TAMM41: variants seen among roughly 807,000 people sequenced by gnomAD.
The protein encoded by TAMM41 is phosphatidate cytidylyltransferase, mitochondrial.
TAMM41 carries 36 observed loss-of-function variants against 44.1 expected under a neutral mutation model. The observed-to-expected ratio is 0.82, with a 90% CI of 0.63 to 1.08. The LOEUF is 1.08. Among genes scored for constraint, TAMM41 ranks in the 50% least tolerant of loss-of-function variants. The pLI is 0.00. For missense variants in TAMM41, 417 were observed against 404.3 expected, an observed-to-expected ratio of 1.03 and a Z score of -0.27; for synonymous variants, 164 against 153.1, an observed-to-expected ratio of 1.07 and a Z score of -0.53.
At position 11,821,834 on chromosome 3, in the gene TAMM41, T is replaced by C. The variant is rs147290088; in HGVS notation, c.563-4497A>G. ...CTGTGCTAGGCAATGGAGATCCAGG[T>C]TGGGCAACCCTAATCTGAACACCGA... On this transcript the variant is annotated intron_variant, in intron 4 of 7. Coordinates refer to ENST00000455809, the MANE Select transcript of TAMM41 (RefSeq NM_001284401.2). 7.0e-4 allele frequency among the ~76,000 whole-genome samples: 106 copies of C among 152,212 alleles called. 1 individual carries two copies. Among genetic ancestry groups the C allele is most frequent in the African/African-American group, 2.4e-3 (99 of 41,520 alleles).
At chr3:11,802,359 A>C (rs2077779162) in intron 7 of TAMM41, among the ~76,000 whole-genome samples, 1 of 152,248 alleles carries the variant, frequency 6.6e-6, no homozygotes, top group Admixed American at 6.5e-5. Context: ...ATCAGAAATG[A>C]AAAAGGAGAC....
At chr3:11,744,260 AT>A in the TAMM41 span, among the ~76,000 whole-genome samples, 1 of 151,584 alleles carries the variant, frequency 6.6e-6, no homozygotes, top group Non-Finnish European at 1.5e-5. Context: ...TAGAGATGGG[AT>A]TTCCCCATGT....
At chr3:11,823,932 T>C (rs951180800) in intron 4 of TAMM41, among the ~76,000 whole-genome samples, 1 of 150,782 alleles carries the variant, frequency 6.6e-6, no homozygotes, top group Non-Finnish European at 1.5e-5. Flanking sequence ...GTCAAGCTAG[T>C]CTCCTGCCTC....
chr3:11,759,811 TAA>T, the TAMM41 span, among the ~76,000 whole-genome samples: 1 of 152,088 alleles, frequency 6.6e-6, no homozygotes, highest in Admixed American at 6.6e-5. Context: ...CCATCTCTAC[TAA>T]AAATATGAAA....
At position 11,846,646 on chromosome 3, in the gene TAMM41, G is replaced by A. The variant is rs1281946617; in HGVS notation, c.-10C>T. 1.9e-6 allele frequency: 3 copies of A among 1,614,044 alleles called. No homozygotes were observed. The highest frequency in any genetic ancestry group is 2.5e-6 in the Non-Finnish European group (3 of 1,180,022). ...GCGTCTGCAGCGCCATGGGGTCGAG[G>A]CTAACAGGGGACACTCAGCGCAGCA... On this transcript the variant is annotated 5_prime_UTR_variant, in exon 1 of 8. Transcript: ENST00000455809.
intron 7 of TAMM41, among the ~76,000 whole-genome samples, chr3:11,804,950 G>A (rs536028213): frequency 1.3e-4 from 19 of 146,716 alleles, no homozygotes; most frequent in Non-Finnish European, 1.0e-4. Context: ...ATGCCGCCTC[G>A]ACTTCCTGGG....
the TAMM41 span, among the ~76,000 whole-genome samples, chr3:11,766,751 T>G: frequency 6.6e-6 from 1 of 151,612 alleles, no homozygotes; most frequent in African/African-American, 2.4e-5. Flanking sequence ...TACTTTTTTG[T>G]AGAGATGAGG....
At chr3:11,818,548 G>A (rs2078376986) in intron 4 of TAMM41, among the ~76,000 whole-genome samples, 1 of 152,112 alleles carries the variant, frequency 6.6e-6, no homozygotes, top group South Asian at 2.1e-4. Flanking sequence ...AGCTTCAAAG[G>A]ACCAACTTAC....
At chr3:11,789,396 C>T (rs1258285995), downstream of TAMM41, among the ~76,000 whole-genome samples, 1 of 152,096 alleles carries the variant, frequency 6.6e-6, no homozygotes, top group African/African-American at 2.4e-5. Context: ...GGGACAAAGA[C>T]GATTTGCAGG....
intron 2 of TAMM41, among the ~76,000 whole-genome samples, chr3:11,840,223 G>A (rs1310780868): frequency 7.0e-6 from 1 of 143,510 alleles, no homozygotes; most frequent in Non-Finnish European, 1.5e-5. Context: ...TCACGTTAAT[G>A]TTAATTAAAC....
At chr3:11,760,822 A>G in the TAMM41 span, among the ~76,000 whole-genome samples, 1 of 151,728 alleles carries the variant, frequency 6.6e-6, no homozygotes, top group East Asian at 2.0e-4. Flanking sequence ...TGGCCTCCCA[A>G]AGTGCTGGGA....
chr3:11,801,227 A>C (rs1014991824), intron 7 of TAMM41, among the ~76,000 whole-genome samples: 1 of 152,236 alleles, frequency 6.6e-6, no homozygotes, highest in Admixed American at 6.5e-5. Flanking sequence ...TAGTAGAATA[A>C]AGCTAGAAAT....
chr3:11,768,799 T>G, the TAMM41 span, among the ~76,000 whole-genome samples: 1 of 152,162 alleles, frequency 6.6e-6, no homozygotes, highest in Non-Finnish European at 1.5e-5. Context: ...GAGAAACACA[T>G]AAATATGTCA....
the TAMM41 span, among the ~76,000 whole-genome samples, chr3:11,734,944 G>A: frequency 6.6e-6 from 1 of 151,556 alleles, no homozygotes; most frequent in Non-Finnish European, 1.5e-5. Flanking sequence ...AGCTATTCGG[G>A]GGGCTGAGGC....
chr3:11,844,853 C>T lies in TAMM41; in HGVS notation c.136-642G>A. 18 of 452,982 alleles carry T rather than the reference C, an allele frequency of 4.0e-5. 2 individuals carry two copies. Among genetic ancestry groups the T allele is most frequent in the South Asian group, 2.8e-4 (18 of 63,880 alleles). The allele number at this position is 452,982 out of a possible 1,614,324, so 28.1% of individuals were successfully genotyped here. A position where few individuals can be genotyped will look rare whatever the true frequency, so the allele number is the denominator to read the frequency against. ...ACTGGAGAGAATAAACAAATTATCA[C>T]TACATTGACTTGATAGAGGAATGCA... On this transcript the variant is annotated intron_variant, in intron 1 of 7. Transcript: ENST00000455809.
intron 4 of TAMM41, chr3:11,826,793 TCA>T (rs1252568249): frequency 1.3e-5 from 2 of 152,188 alleles, no homozygotes; most frequent in African/African-American, 4.8e-5. Context: ...ATTCTGGGCC[TCA>T]GTTTTCTCAT....
intron 7 of TAMM41, among the ~76,000 whole-genome samples, chr3:11,801,978 T>A (rs2124936902): frequency 6.6e-6 from 1 of 152,252 alleles, no homozygotes; most frequent in East Asian, 1.9e-4. Context: ...CCCTGCACTT[T>A]GGGAGGCTGA....
At chr3:11,783,307 C>G in the TAMM41 span, among the ~76,000 whole-genome samples, 1 of 149,966 alleles carries the variant, frequency 6.7e-6, no homozygotes, top group African/African-American at 2.5e-5. Flanking sequence ...ACTCAACCAT[C>G]AGCTCCAAAC....
the TAMM41 span, among the ~76,000 whole-genome samples, chr3:11,771,536 G>T: frequency 1.3e-5 from 2 of 151,936 alleles, no homozygotes; most frequent in Non-Finnish European, 1.5e-5. Flanking sequence ...GCTTTTTGTC[G>T]CCCAGGCTGG....
Sources: allele counts gnomAD v4.1 joint callset (sites outside exome capture counted in the v4.1 genomes callset), GRCh38; gene constraint gnomAD v4.1.1; transcripts MANE v1.5; gene names NCBI Gene and HGNC (gene_info 2026-07-23, HGNC 2026-07-21).